THRAP3: variants seen among roughly 807,000 people sequenced by gnomAD.
THRAP3 encodes the protein thyroid hormone receptor associated protein 3.
A neutral mutation model predicts 101.0 loss-of-function variants in THRAP3; 16 were observed. The observed-to-expected ratio is 0.16, with a 90% CI of 0.11 to 0.24. THRAP3 has a LOEUF of 0.24. THRAP3 is among the 10% of genes least tolerant of loss of function. The pLI is 1.00. For synonymous variants in THRAP3, 407 were observed against 422.6 expected (o/e 0.96, Z 0.45); for missense variants, 989 against 1,202.7 (o/e 0.82, Z 2.63).
chr1:36,296,798 G>T, intron 9 of THRAP3, 28 bp downstream of exon 9: 2 of 1,529,528 alleles, frequency 1.3e-6, no homozygotes, highest in South Asian at 1.3e-5. Context: ...ACCCCTTCCA[G>T]ACTCTTAAGT....
chr1:36,300,572 C>G (rs951528612), intron 9 of THRAP3, among the ~76,000 whole-genome samples: 1 of 152,144 alleles, frequency 6.6e-6, no homozygotes, highest in African/African-American at 2.4e-5. Context: ...ATTTCCTTCT[C>G]CCTTATTAAT....
At chr1:36,280,337 G>C (rs1383403878) in intron 2 of THRAP3, among the ~76,000 whole-genome samples, 1 of 152,204 alleles carries the variant, frequency 6.6e-6, no homozygotes, top group Non-Finnish European at 1.5e-5. Flanking sequence ...TGAGGTTTCT[G>C]TTGTTATAGA....
intron 1 of THRAP3, among the ~76,000 whole-genome samples, chr1:36,243,181 G>A (rs1399834487): frequency 3.7e-5 from 5 of 135,900 alleles, no homozygotes; most frequent in Admixed American, 1.5e-4. Flanking sequence ...TTTGCTCTGA[G>A]CCCAAATGAG....
At chr1:36,245,969 A>G (rs1312745237) in intron 1 of THRAP3, among the ~76,000 whole-genome samples, 1 of 152,236 alleles carries the variant, frequency 6.6e-6, no homozygotes, top group African/African-American at 2.4e-5. Context: ...TTCTAAGTAC[A>G]TTCCATGTAT....
At chr1:36,260,968 C>A (rs1175091492) in intron 2 of THRAP3, among the ~76,000 whole-genome samples, 2 of 152,024 alleles carry the variant, frequency 1.3e-5, no homozygotes, top group African/African-American at 4.8e-5. Flanking sequence ...TTTTGTACAA[C>A]TATTTGTTTT....
intron 9 of THRAP3, among the ~76,000 whole-genome samples, chr1:36,300,110 T>G (rs1414081663): frequency 6.6e-6 from 1 of 152,216 alleles, no homozygotes; most frequent in African/African-American, 2.4e-5. Flanking sequence ...GTACTGACTT[T>G]AGTACATAGA....
At chr1:36,221,843 CTT>C (rs1410300759), upstream of THRAP3, among the ~76,000 whole-genome samples, 7 of 147,890 alleles carry the variant, frequency 4.7e-5, no homozygotes, top group African/African-American at 1.3e-4. Context: ...GAGTTTTGCT[CTT>C]GTTACTCAGG....
At chr1:36,231,535 A>G (rs142192909) in intron 1 of THRAP3, among the ~76,000 whole-genome samples, 255 of 152,252 alleles carry the variant, frequency 1.7e-3, no homozygotes, top group African/African-American at 5.9e-3. Context: ...AGGTTATTCT[A>G]TTGTTTTTTA....
In THRAP3 at chr1:36,260,213, G is replaced by A. The variant is rs147826812; in HGVS notation, c.-32+729G>A. Among the ~76,000 whole-genome samples, 964 of 152,276 alleles carry A rather than the reference G, an allele frequency of 6.3e-3. 11 individuals are homozygous for A. The highest frequency in any genetic ancestry group is 0.022 in the African/African-American group (913 of 41,546). On this transcript the variant is annotated intron_variant, in intron 2 of 11. Coordinates refer to ENST00000354618, the MANE Select transcript of THRAP3 (RefSeq NM_005119.4). ...GCCGAGATCTTGCCACTGCCCTCCA[G>A]CCTGGGCAACAGAGCAAGACCTTGT...
Position 36,292,518 on chromosome 1 carries a change from C to A in THRAP3, c.1919-80C>A. On this transcript the variant is annotated intron_variant, in intron 6 of 11. Coordinates refer to ENST00000354618, the MANE Select transcript of THRAP3 (RefSeq NM_005119.4). ...ATCTCTTGACCTCGTGATCTGCCCACCTCGGCCTCCGAAAGTGGTGGGATT... is the reference window on the plus strand; with the variant it reads ...ATCTCTTGACCTCGTGATCTGCCCAACTCGGCCTCCGAAAGTGGTGGGATT... 2.9e-6 allele frequency: 3 copies of A among 1,039,194 alleles called. No homozygotes were observed. The South Asian group carries it at 4.4e-5, about 15-fold the overall frequency. 64.4% of individuals were successfully genotyped at this position (1,039,194 alleles called of 1,614,324 possible). A position where few individuals can be genotyped will look rare whatever the true frequency, so the allele number is the denominator to read the frequency against.
chr1:36,231,862 T>C (rs1039842350), intron 1 of THRAP3, among the ~76,000 whole-genome samples: 4 of 152,158 alleles, frequency 2.6e-5, no homozygotes, highest in African/African-American at 7.2e-5. Flanking sequence ...AAAAAAACTT[T>C]TAATATGAAA....
chr1:36,256,071 C>T (rs1207741713), intron 1 of THRAP3, among the ~76,000 whole-genome samples: 2 of 151,876 alleles, frequency 1.3e-5, no homozygotes, highest in African/African-American at 4.8e-5. Context: ...GGCTGGAGTG[C>T]AGTAGTGTGA....
intron 2 of THRAP3, among the ~76,000 whole-genome samples, chr1:36,266,850 A>ATATTTATTTATTTATT (rs71796650): frequency 2.6e-4 from 37 of 144,312 alleles, no homozygotes; most frequent in East Asian, 8.0e-4. Context: ...TATAATACGA[A>ATATTTATTTATTTATT]TATTTATTTA....
chr1:36,231,378 C>T (rs1360395001), intron 1 of THRAP3, among the ~76,000 whole-genome samples: 1 of 152,138 alleles, frequency 6.6e-6, no homozygotes, highest in Non-Finnish European at 1.5e-5. Flanking sequence ...TCAGTGTACT[C>T]ACTTTTGTTC....
upstream of THRAP3, among the ~76,000 whole-genome samples, chr1:36,220,877 C>A (rs1644899448): frequency 6.7e-6 from 1 of 148,546 alleles, no homozygotes; most frequent in Admixed American, 6.8e-5. Flanking sequence ...ATCGCTTGAA[C>A]CCGGGGGCGC....
chr1:36,282,455 G>A (rs1322492909), intron 2 of THRAP3, 78 bp from the exon 3 acceptor site: 3 of 978,776 alleles, frequency 3.1e-6, no homozygotes, highest in Admixed American at 2.7e-5. Flanking sequence ...TAAAAGAAAT[G>A]TGTTTCTAAA....
chr1:36,211,684 G>A, the THRAP3 span, among the ~76,000 whole-genome samples: 1 of 152,192 alleles, frequency 6.6e-6, no homozygotes, highest in African/African-American at 2.4e-5. Context: ...AGCAATGAGG[G>A]GCTGCTTCTT....
intron 2 of THRAP3, among the ~76,000 whole-genome samples, chr1:36,270,571 G>GTTTTTTTTTTTTT (rs532301363): frequency 2.8e-4 from 9 of 31,868 alleles, no homozygotes; most frequent in Admixed American, 5.4e-4. Flanking sequence ...ATTTGTTTAG[G>GTTTTTTTTTTTTT]TTTTTGTTTT....
the THRAP3 span, among the ~76,000 whole-genome samples, chr1:36,210,365 CAA>C: frequency 1.8e-4 from 9 of 49,586 alleles, no homozygotes; most frequent in Non-Finnish European, 2.4e-4. Flanking sequence ...GACTCCATCT[CAA>C]AAAAAAAAAA....
Sources: gnomAD v4.1 joint callset for allele counts (sites outside exome capture counted in the v4.1 genomes callset) on GRCh38, gnomAD v4.1.1 for gene constraint, MANE v1.5 for transcripts, NCBI Gene and HGNC (gene_info 2026-07-23, HGNC 2026-07-21) for gene names.